The following RFX3 variants were observed in gnomAD, a reference collection of about 807,000 sequenced individuals.
RFX3 encodes transcription factor RFX3.
A neutral mutation model predicts 98.6 loss-of-function variants in RFX3; 14 were observed. The ratio of observed to expected loss-of-function variants is 0.14; its 90% CI spans 0.09 to 0.22. RFX3 has a LOEUF of 0.22. Among genes scored for constraint, RFX3 ranks in the 10% least tolerant of loss-of-function variants. The pLI, the probability that RFX3 is intolerant of heterozygous loss-of-function variation, is 1.00. For missense variants in RFX3, 639 were observed against 926.9 expected, an observed-to-expected ratio of 0.69 and a Z score of 4.03; for synonymous variants, 383 against 328.4, an observed-to-expected ratio of 1.17 and a Z score of -1.80.
chr9:3,416,739 G>C (rs999613718), intron 1 of RFX3, among the ~76,000 whole-genome samples: 3 of 151,978 alleles, frequency 2.0e-5, no homozygotes, highest in Non-Finnish European at 2.9e-5. Context: ...TAAAGAAGTA[G>C]AGCAATAAGT....
At chr9:3,350,447 A>G (rs1014624675) in intron 2 of RFX3, among the ~76,000 whole-genome samples, 7 of 151,982 alleles carry the variant, frequency 4.6e-5, no homozygotes, top group African/African-American at 1.4e-4. Context: ...AAATATAGAA[A>G]CTCTCATTCA....
chr9:3,481,342 A>C (rs998719490), intron 1 of RFX3, among the ~76,000 whole-genome samples: 10 of 152,166 alleles, frequency 6.6e-5, no homozygotes, highest in Admixed American at 6.6e-4. Flanking sequence ...CGTTGTTCAA[A>C]TATATCAAAG....
At chr9:3,420,048 G>C (rs570783002) in intron 1 of RFX3, among the ~76,000 whole-genome samples, 15 of 152,290 alleles carry the variant, frequency 9.8e-5, no homozygotes, top group Admixed American at 8.5e-4. Context: ...AGGGAGACTA[G>C]CTAAATGTGG....
intron 1 of RFX3, among the ~76,000 whole-genome samples, chr9:3,468,973 T>C (rs1343163210): frequency 6.6e-6 from 1 of 152,146 alleles, no homozygotes; most frequent in Non-Finnish European, 1.5e-5. Flanking sequence ...TAATATTTTT[T>C]AAAACTGCCT....
intron 4 of RFX3, among the ~76,000 whole-genome samples, chr9:3,313,529 G>C (rs1020295441): frequency 6.6e-6 from 1 of 152,220 alleles, no homozygotes; most frequent in Admixed American, 6.5e-5. Flanking sequence ...ATTTTGACGA[G>C]TTGAGAGAAG....
chr9:3,235,365 A>AAAT (rs1819000255), intron 15 of RFX3, among the ~76,000 whole-genome samples: 1 of 152,196 alleles, frequency 6.6e-6, no homozygotes, highest in Non-Finnish European at 1.5e-5. Flanking sequence ...AAGCAGGAAA[A>AAAT]AATAATATAC....
chr9:3,376,561 C>T (rs35545940), intron 2 of RFX3, among the ~76,000 whole-genome samples: 33,394 of 152,014 alleles, frequency 0.22, 6,494 homozygotes, highest in African/African-American at 0.52. Flanking sequence ...CACAAAAGAA[C>T]ATATGTTGTA....
chr9:3,443,610 G>A (rs1845790307), intron 1 of RFX3, among the ~76,000 whole-genome samples: 2 of 152,148 alleles, frequency 1.3e-5, no homozygotes, highest in South Asian at 4.1e-4. Context: ...TATCATTGAT[G>A]GGCATTTGGG....
intron 1 of RFX3, among the ~76,000 whole-genome samples, chr9:3,411,745 C>T (rs1232758831): frequency 1.3e-5 from 2 of 151,828 alleles, no homozygotes; most frequent in Non-Finnish European, 2.9e-5. Context: ...CCTGCCTCGG[C>T]CTCCCAAAGT....
At chr9:3,395,634 C>T in intron 1 of RFX3, 38 bp from the exon 2 acceptor site, 1 of 1,605,380 alleles carries the variant, frequency 6.2e-7, no homozygotes, top group East Asian at 2.2e-5. Flanking sequence ...TTTAAAATGT[C>T]ACTCCTGCAT....
chr9:3,412,177 T>C (rs1219333306), intron 1 of RFX3, among the ~76,000 whole-genome samples: 1 of 152,186 alleles, frequency 6.6e-6, no homozygotes, highest in Non-Finnish European at 1.5e-5. Context: ...GTAGAACTAC[T>C]TCATAATAAG....
chr9:3,465,065 G>A (rs1018681913), intron 1 of RFX3, among the ~76,000 whole-genome samples: 22 of 152,044 alleles, frequency 1.4e-4, no homozygotes, highest in African/African-American at 5.3e-4. Flanking sequence ...ATGTTAAAGG[G>A]GTGCTTTATT....
intron 2 of RFX3, among the ~76,000 whole-genome samples, chr9:3,359,954 A>G (rs541618236): frequency 6.6e-6 from 1 of 152,246 alleles, no homozygotes; most frequent in South Asian, 2.1e-4. Context: ...TAAGTTATCT[A>G]TTACAAGCTT....
intron 2 of RFX3, among the ~76,000 whole-genome samples, chr9:3,391,741 T>G (rs545382122): frequency 8.5e-5 from 13 of 152,252 alleles, no homozygotes; most frequent in African/African-American, 2.6e-4. Context: ...CTGACAGCAA[T>G]CCAATTTTTG....
intron 11 of RFX3, 129 bp downstream of exon 11, chr9:3,270,242 T>TTCTATGCAAAATA: frequency 2.2e-6 from 2 of 912,656 alleles, no homozygotes; most frequent in Non-Finnish European, 3.3e-6. Context: ...ATATTCTGTG[T>TTCTATGCAAAATA]TGCATGTTTT....
chr9:3,319,506 TTCAC>T (rs1022381339), intron 4 of RFX3, among the ~76,000 whole-genome samples: 4 of 152,202 alleles, frequency 2.6e-5, no homozygotes, highest in Non-Finnish European at 4.4e-5. Context: ...ATGATTCTCT[TTCAC>T]TCTCTTGCTA....
At chr9:3,358,693 A>G (rs970422504) in intron 2 of RFX3, among the ~76,000 whole-genome samples, 1 of 152,118 alleles carries the variant, frequency 6.6e-6, no homozygotes, top group Non-Finnish European at 1.5e-5. Flanking sequence ...TCATTCTCAC[A>G]CTGCTATGAA....
chr9:3,512,993 T>A (rs190151209), intron 1 of RFX3, among the ~76,000 whole-genome samples: 2 of 152,120 alleles, frequency 1.3e-5, no homozygotes, highest in Non-Finnish European at 1.5e-5. Context: ...TCCACATAGC[T>A]GAGAATATGC....
In RFX3 at chr9:3,401,971, T is replaced by C. The variant is rs547926376; in HGVS notation, c.-8-6375A>G. Among the ~76,000 whole-genome samples, 10 of 152,338 alleles carry C rather than the reference T, an allele frequency of 6.6e-5. No individual in the cohort carries two copies. The South Asian group carries it at 1.9e-3, about 28-fold the overall frequency. On this transcript the variant is annotated intron_variant, in intron 1 of 16. Transcript: ENST00000617270. ...TAAAACCTAGGCAAAGCAAATGTGT[T>C]TGGAACAAACATGCATTATTGCAAG...
Sources: allele counts gnomAD v4.1 joint callset (sites outside exome capture counted in the v4.1 genomes callset), GRCh38; gene constraint gnomAD v4.1.1; transcripts MANE v1.5; gene names NCBI Gene and HGNC (gene_info 2026-07-23, HGNC 2026-07-21).